THSD7A: variants seen among roughly 807,000 people sequenced by gnomAD.
THSD7A encodes thrombospondin type 1 domain containing 7A.
In THSD7A, 96 loss-of-function variants were observed where a neutral mutation model predicts 231.3. The ratio of observed to expected loss-of-function variants is 0.41; its 90% CI spans 0.35 to 0.49. The LOEUF is 0.49. Among genes scored for constraint, THSD7A ranks in the 20% least tolerant of loss-of-function variants. The pLI is 0.05. For missense variants in THSD7A, 2,290 were observed against 2,070.2 expected (o/e 1.11, Z -2.06); for synonymous variants, 940 against 743.3 (o/e 1.26, Z -4.30).
intron 2 of THSD7A, among the ~76,000 whole-genome samples, chr7:11,633,350 A>G (rs1781723216): frequency 6.6e-6 from 1 of 152,098 alleles, no homozygotes; most frequent in African/African-American, 2.4e-5. Flanking sequence ...TAGTTGTCAA[A>G]ACTTTAATCC....
chr7:11,666,702 G>A (rs1398023971), intron 1 of THSD7A, among the ~76,000 whole-genome samples: 2 of 150,738 alleles, frequency 1.3e-5, no homozygotes, highest in Non-Finnish European at 3.0e-5. Flanking sequence ...AAGAAATTAT[G>A]CTAATATATA....
chr7:11,532,935 T>C (rs1788764518), intron 6 of THSD7A, among the ~76,000 whole-genome samples: 1 of 152,178 alleles, frequency 6.6e-6, no homozygotes, highest in Admixed American at 6.5e-5. Context: ...TAGCTAATAA[T>C]TCTTTGATAA....
intron 1 of THSD7A, among the ~76,000 whole-genome samples, chr7:11,769,148 TATATA>T (rs1316107864): frequency 1.2e-3 from 79 of 66,644 alleles, no homozygotes; most frequent in African/African-American, 3.9e-3. Flanking sequence ...TATATATATA[TATATA>T]TTTTTTTTTT....
intron 6 of THSD7A, among the ~76,000 whole-genome samples, chr7:11,529,767 T>C (rs2128318915): frequency 6.6e-6 from 1 of 152,320 alleles, no homozygotes; most frequent in Admixed American, 6.5e-5. Context: ...AGTATCTTTA[T>C]AACAATGTGA....
At chr7:11,761,449 T>G in intron 1 of THSD7A, among the ~76,000 whole-genome samples, 1 of 152,212 alleles carries the variant, frequency 6.6e-6, no homozygotes, top group South Asian at 2.1e-4. Context: ...CATGCATATC[T>G]TTTTTCATAA....
chr7:11,503,220 C>T (rs983627146), intron 6 of THSD7A, among the ~76,000 whole-genome samples: 2 of 152,166 alleles, frequency 1.3e-5, no homozygotes, highest in African/African-American at 4.8e-5. Flanking sequence ...GAAAAGACTT[C>T]CTGTTCAATA....
rs7807574 is a variant in THSD7A at position 11,377,655 on chromosome 7, C to T, written c.4802-998G>A. Among the ~76,000 whole-genome samples the T allele has an allele frequency of 0.07, 10,595 of 151,978 alleles. 1,196 individuals are homozygous for T. The highest frequency in any genetic ancestry group is 0.24 in the African/African-American group (9,852 of 41,412). On this transcript the variant is annotated intron_variant, in intron 26 of 27. Coordinates refer to ENST00000423059, the MANE Select transcript of THSD7A (RefSeq NM_015204.3). This position sits in a 1 kb window ranked among gnomAD's most constrained non-coding sequence, Gnocchi z 4.5. ...CCTTTCTTTCTAATCCTAAAGCTTT[C>T]ATTTTTTAAATTTGAGCTCAGTTTA...
At chr7:11,570,896 C>G (rs1021667297) in intron 4 of THSD7A, among the ~76,000 whole-genome samples, 1 of 152,118 alleles carries the variant, frequency 6.6e-6, no homozygotes, top group Non-Finnish European at 1.5e-5. Flanking sequence ...AGAGGTAGAT[C>G]CAAAACAAGG....
chr7:11,401,005 T>C (rs1287309832), intron 23 of THSD7A, among the ~76,000 whole-genome samples: 1 of 152,208 alleles, frequency 6.6e-6, no homozygotes, highest in Non-Finnish European at 1.5e-5. Flanking sequence ...TGATTCTATG[T>C]GTGTATACGT....
chr7:11,822,875 G>A (rs1784915161), intron 1 of THSD7A, among the ~76,000 whole-genome samples: 1 of 151,826 alleles, frequency 6.6e-6, no homozygotes, highest in Non-Finnish European at 1.5e-5. Flanking sequence ...TGAATAGTTA[G>A]CAAATATTTT....
chr7:11,386,936 C>T (rs1254936699), intron 23 of THSD7A, among the ~76,000 whole-genome samples: 1 of 152,126 alleles, frequency 6.6e-6, no homozygotes, highest in Non-Finnish European at 1.5e-5. Context: ...TATGGCTAGC[C>T]AGTTTTCCCG....
Position 11,634,519 on chromosome 7 carries a change from A to T in THSD7A, c.1022+1611T>A, listed in dbSNP as rs1309874040. ...CTTCAGGAAAAGAGATAAGAAAATC[A>T]CCAGAATAAGGATAGTCAGAAAAGA... On this transcript the variant is annotated intron_variant, in intron 2 of 27. Coordinates refer to ENST00000423059, the MANE Select transcript of THSD7A (RefSeq NM_015204.3). This position sits in a 1 kb window ranked among gnomAD's most constrained non-coding sequence, Gnocchi z 4.1. 6.6e-6 allele frequency among the ~76,000 whole-genome samples: 1 copy of T among 152,140 alleles called. No homozygotes were observed. Among genetic ancestry groups the T allele is most frequent in the African/African-American group, 2.4e-5 (1 of 41,432 alleles).
intron 13 of THSD7A, among the ~76,000 whole-genome samples, chr7:11,429,890 G>A (rs77381444): frequency 0.043 from 6,610 of 152,178 alleles, 474 homozygotes; most frequent in African/African-American, 0.15. Context: ...CAACCAATTC[G>A]ATTAATAGTG....
At position 11,464,045 on chromosome 7, in the gene THSD7A, A is replaced by G. The variant is rs575593657; in HGVS notation, c.2369-1902T>C. On this transcript the variant is annotated intron_variant, in intron 9 of 27. Transcript: ENST00000423059. Reference sequence around the variant, plus strand: ...GAGCTTGCCACAGCTTTGATTTTCTAGCATAATTTTTCTCTCCCTCTTCCT... The same window carrying G: ...GAGCTTGCCACAGCTTTGATTTTCTGGCATAATTTTTCTCTCCCTCTTCCT... Among the ~76,000 whole-genome samples the G allele has an allele frequency of 1.3e-3, 199 of 152,246 alleles. 1 individual carries two copies. Among genetic ancestry groups the G allele is most frequent in the Middle Eastern group, 0.01 (3 of 294 alleles).
At chr7:11,635,489 A>G (rs975381641) in intron 2 of THSD7A, among the ~76,000 whole-genome samples, 3 of 152,212 alleles carry the variant, frequency 2.0e-5, no homozygotes, top group Non-Finnish European at 4.4e-5. Flanking sequence ...GTACCCAAAG[A>G]TAATTTGTTA....
intron 2 of THSD7A, among the ~76,000 whole-genome samples, chr7:11,620,513 G>A (rs1384400741): frequency 6.6e-6 from 1 of 152,088 alleles, no homozygotes; most frequent in East Asian, 1.9e-4. Flanking sequence ...GAAGACCAAT[G>A]CAGAACAATG....
At chr7:11,565,196 G>T (rs1347161425) in intron 4 of THSD7A, among the ~76,000 whole-genome samples, 1 of 152,100 alleles carries the variant, frequency 6.6e-6, no homozygotes, top group Non-Finnish European at 1.5e-5. Flanking sequence ...AAGCAGTCTG[G>T]AATATGTATG....
chr7:11,567,832 G>A lies in THSD7A; in HGVS notation c.1453+22628C>T, dbSNP rs970720126. Among the ~76,000 whole-genome samples, 6 of 152,132 alleles carry A rather than the reference G, an allele frequency of 3.9e-5. 1 individual carries two copies. The South Asian group carries it at 6.2e-4, about 16-fold the overall frequency. On this transcript the variant is annotated intron_variant, in intron 4 of 27. Coordinates refer to ENST00000423059, the MANE Select transcript of THSD7A (RefSeq NM_015204.3). ...AGCTCACTCCACGTCTCCCAGTCTC[G>A]TTCTCTTCTTTTCCTTTTCTCTCCC...
intron 1 of THSD7A, among the ~76,000 whole-genome samples, chr7:11,776,965 T>G (rs1003650811): frequency 1.3e-5 from 2 of 152,214 alleles, no homozygotes; most frequent in Non-Finnish European, 2.9e-5. Context: ...TAACATCAAC[T>G]GTAACCATTG....
Sources: gnomAD v4.1 joint callset for allele counts (sites outside exome capture counted in the v4.1 genomes callset) on GRCh38, gnomAD v4.1.1 for gene constraint, Gnocchi (gnomAD v3.1) non-coding constraint, MANE v1.5 for transcripts, NCBI Gene and HGNC (gene_info 2026-07-23, HGNC 2026-07-21) for gene names.